Variants in RC3H1 observed in about 807,000 individuals in gnomAD.
The protein encoded by RC3H1 is roquin-1.
Under a neutral mutation model 138.2 loss-of-function variants are expected in RC3H1, and 50 were observed. That is an observed-to-expected ratio of 0.36 (90% confidence interval 0.29 to 0.46). The LOEUF is 0.46. RC3H1 is among the 20% of genes least tolerant of loss of function. The pLI is 1.00. For synonymous variants in RC3H1, 462 were observed against 489.1 expected (o/e 0.94, Z 0.73); for missense variants, 1,031 against 1,388.1 (o/e 0.74, Z 4.09).
Position 173,936,514 on chromosome 1 carries a change from C to A in RC3H1, c.*2207G>T, listed in dbSNP as rs1436622906. 5 of 28,166 alleles carry A rather than the reference C, an allele frequency of 1.8e-4. No individual in the cohort carries two copies. Among genetic ancestry groups the A allele is most frequent in the Admixed American group, 6.1e-4 (1 of 1,644 alleles). The allele number at this position is 28,166 out of a possible 1,614,324, so 1.7% of individuals were successfully genotyped here. On this transcript the variant is annotated 3_prime_UTR_variant, in exon 20 of 20. Coordinates refer to ENST00000367696, the MANE Select transcript of RC3H1 (RefSeq NM_172071.4). ...GGGCAACAGAAGCAGACTCCCTCTC[C>A]AAAAAAAAAAAAAAAAAAAAAAAAA...
intron 7 of RC3H1, among the ~76,000 whole-genome samples, chr1:173,974,970 A>C (rs1660512556): frequency 6.6e-6 from 1 of 152,210 alleles, no homozygotes; most frequent in African/African-American, 2.4e-5. Flanking sequence ...GAGAGAAAGA[A>C]GAGGTTTTTG....
chr1:174,010,507 C>A (rs1196373092), intron 1 of RC3H1, among the ~76,000 whole-genome samples: 4 of 152,110 alleles, frequency 2.6e-5, no homozygotes, highest in Non-Finnish European at 5.9e-5. Flanking sequence ...CTCGACCTCC[C>A]AGGCTCAAGC....
intron 19 of RC3H1, among the ~76,000 whole-genome samples, chr1:173,939,332 G>A (rs1011573566): frequency 5.3e-5 from 8 of 151,834 alleles, no homozygotes; most frequent in Non-Finnish European, 8.8e-5. Context: ...GAGCTCAGGA[G>A]TTGGAGATCA....
intron 2 of RC3H1, among the ~76,000 whole-genome samples, chr1:173,990,014 C>A (rs1187573457): frequency 6.6e-6 from 1 of 151,968 alleles, no homozygotes; most frequent in Non-Finnish European, 1.5e-5. Context: ...GCGTGAGCCA[C>A]CGCGCCCGGC....
chr1:173,972,371 A>G lies in RC3H1; in HGVS notation c.1221+138T>C, dbSNP rs77574680. ...TGTTAACCATGCCAAGGTAATTTAC[A>G]GTTTCTATACTCAGAGTCTCAAAAT... On this transcript the variant is annotated intron_variant, in intron 8 of 19. Coordinates refer to ENST00000367696, the MANE Select transcript of RC3H1 (RefSeq NM_172071.4). 661 of 613,564 alleles carry G rather than the reference A, an allele frequency of 1.1e-3. 6 individuals carry two copies. The East Asian group carries it at 0.017, about 15-fold the overall frequency. The allele number at this position is 613,564 out of a possible 1,614,324, so 38.0% of individuals were successfully genotyped here.
intron 5 of RC3H1, 139 bp downstream of exon 5, chr1:173,982,588 T>G: frequency 1.6e-6 from 1 of 638,948 alleles, no homozygotes; most frequent in East Asian, 3.0e-5. Flanking sequence ...CCCATCTACA[T>G]TCTTTAAAAG....
At chr1:173,953,770 G>A (rs1412205195) in intron 13 of RC3H1, among the ~76,000 whole-genome samples, 3 of 152,074 alleles carry the variant, frequency 2.0e-5, no homozygotes, top group Admixed American at 1.3e-4. Flanking sequence ...TGGGCAAGGT[G>A]GCTCACGCCT....
At position 173,978,631 on chromosome 1, in the gene RC3H1, A is replaced by G. The variant is rs768247663; in HGVS notation, c.970-11T>C. 3.7e-6 allele frequency: 6 copies of G among 1,603,212 alleles called. No homozygotes were observed. Among genetic ancestry groups the G allele is most frequent in the Non-Finnish European group, 4.3e-6 (5 of 1,175,124 alleles). ...GGCTGGAGTCTGCAACTTAAAAAAG[A>G]TAAATGTTAACTTTCCCAAAGGTCA... On this transcript the variant is annotated splice_polypyrimidine_tract_variant and intron_variant, in intron 6 of 19. Coordinates refer to ENST00000367696, the MANE Select transcript of RC3H1 (RefSeq NM_172071.4).
chr1:173,964,733 A>T (rs1489989626), intron 10 of RC3H1, 106 bp downstream of exon 10: 2 of 1,183,882 alleles, frequency 1.7e-6, no homozygotes, highest in Admixed American at 2.4e-5. Flanking sequence ...AGGCCAAAAA[A>T]AATAATCAGG....
chr1:173,943,883 G>A (rs1458476988), intron 17 of RC3H1, among the ~76,000 whole-genome samples: 3 of 152,120 alleles, frequency 2.0e-5, no homozygotes, highest in Non-Finnish European at 2.9e-5. Flanking sequence ...AGTTGGCTAC[G>A]CATGGTGGCT....
chr1:173,965,144 A>G, intron 9 of RC3H1, 24 bp from the exon 10 acceptor site: 3 of 1,569,448 alleles, frequency 1.9e-6, no homozygotes, highest in Non-Finnish European at 2.6e-6. Flanking sequence ...ATAGGCACAT[A>G]TCAAAAAGCA....
intron 18 of RC3H1, among the ~76,000 whole-genome samples, chr1:173,941,635 A>G (rs78406098): frequency 0.072 from 10,913 of 152,272 alleles, 1,359 homozygotes; most frequent in African/African-American, 0.25. Flanking sequence ...CTCAGAAAAA[A>G]ACAATGACCT....
At chr1:173,945,568 A>G (rs79988809) in intron 17 of RC3H1, among the ~76,000 whole-genome samples, 1 of 152,340 alleles carries the variant, frequency 6.6e-6, no homozygotes, top group African/African-American at 2.4e-5. Context: ...GGAGGACAAT[A>G]CCACCTGCCT....
chr1:174,011,182 TTCA>T (rs1188191582), intron 1 of RC3H1, among the ~76,000 whole-genome samples: 1 of 152,116 alleles, frequency 6.6e-6, no homozygotes, highest in Non-Finnish European at 1.5e-5. Context: ...TGAACAGGTT[TTCA>T]TCAACCACAG....
rs972115554 is a variant in RC3H1 at position 173,961,101 on chromosome 1, C to T, written c.2346G>A (p.Leu782=). ...SPPPFAPSPT[L]PPTFHPEEFL... ...CTTCTTCCGGATGAAAGGTAGGAGG[C>T]AAGGTTGGTGAAGGTGCAAAAGGAG... Residue 782 remains leucine, a synonymous_variant, in exon 13 of 20, where the codon TTG becomes TTA. Coordinates refer to ENST00000367696, the MANE Select transcript of RC3H1 (RefSeq NM_172071.4). 1.9e-6 allele frequency: 3 copies of T among 1,613,064 alleles called. No homozygotes were observed. Among genetic ancestry groups the T allele is most frequent in the East Asian group, 2.2e-5 (1 of 44,824 alleles).
intron 1 of RC3H1, among the ~76,000 whole-genome samples, chr1:173,999,502 T>G (rs1352818651): frequency 6.6e-6 from 1 of 152,250 alleles, no homozygotes. Flanking sequence ...TACAGCTCCC[T>G]TAGCTGTTAA....
intron 2 of RC3H1, among the ~76,000 whole-genome samples, chr1:173,984,849 A>T (rs1010580895): frequency 5.9e-5 from 9 of 152,188 alleles, no homozygotes; most frequent in African/African-American, 2.2e-4. Context: ...TGACTGGTTT[A>T]AAGTACATAC....
chr1:174,017,127 T>C (rs1374305707), intron 1 of RC3H1, among the ~76,000 whole-genome samples: 1 of 152,236 alleles, frequency 6.6e-6, no homozygotes, highest in Non-Finnish European at 1.5e-5. Flanking sequence ...CTAAAAATCG[T>C]TTCCCAGTGT....
Position 173,994,157 on chromosome 1 carries a change from T to C in RC3H1, c.-150-1022A>G, listed in dbSNP as rs549450172. 1.6e-3 allele frequency among the ~76,000 whole-genome samples: 250 copies of C among 151,656 alleles called. 1 individual carries two copies. Among genetic ancestry groups the C allele is most frequent in the African/African-American group, 5.8e-3 (238 of 41,328 alleles). ...TTGTAATCCCAGCGCTTTGGGAGGCTGAGGCGGGTGGGTCACTTGAGGTTG... is the reference window on the plus strand; with the variant it reads ...TTGTAATCCCAGCGCTTTGGGAGGCCGAGGCGGGTGGGTCACTTGAGGTTG... On this transcript the variant is annotated intron_variant, in intron 1 of 19. Transcript: ENST00000367696.
Sources: allele counts gnomAD v4.1 joint callset (sites outside exome capture counted in the v4.1 genomes callset), GRCh38; gene constraint gnomAD v4.1.1; transcripts MANE v1.5; gene names NCBI Gene and HGNC (gene_info 2026-07-23, HGNC 2026-07-21).